Variants in COL24A1 observed in about 807,000 individuals in gnomAD.
COL24A1 encodes the protein collagen type XXIV alpha 1 chain.
COL24A1 carries 224 observed loss-of-function variants against 253.9 expected under a neutral mutation model. The observed-to-expected ratio is 0.88, with a 90% CI of 0.79 to 0.99. The LOEUF (loss-of-function observed/expected upper bound fraction) is 0.99. COL24A1 is among the 50% of genes least tolerant of loss of function. COL24A1 has a pLI of 0.00. For synonymous variants in COL24A1, 685 were observed against 673.7 expected (o/e 1.02, Z -0.26); for missense variants, 2,131 against 2,068.5 (o/e 1.03, Z -0.59).
At chr1:86,092,676 T>C (rs1703594674) in intron 5 of COL24A1, among the ~76,000 whole-genome samples, 1 of 151,914 alleles carries the variant, frequency 6.6e-6, no homozygotes, top group Non-Finnish European at 1.5e-5. Context: ...TGAAAGACTA[T>C]TACTTTAGTA....
chr1:85,783,433 T>C (rs1669339420), intron 51 of COL24A1, 63 bp downstream of exon 51: 3 of 1,346,516 alleles, frequency 2.2e-6, no homozygotes, highest in Non-Finnish European at 3.2e-6. Context: ...CATTTAGAGC[T>C]CTTAAGCCCT....
chr1:85,992,241 A>G lies in COL24A1; in HGVS notation c.2311-4587T>C, dbSNP rs547171792. Among the ~76,000 whole-genome samples, 12 of 152,294 alleles carry G rather than the reference A, an allele frequency of 7.9e-5. No homozygotes were observed. In the South Asian group the frequency reaches 2.5e-3, roughly 32 times the overall value. On this transcript the variant is annotated intron_variant, in intron 19 of 59. Coordinates refer to ENST00000370571, the MANE Select transcript of COL24A1 (RefSeq NM_152890.7). ...TCCAGCTTCATCCATGTCCCTACAA[A>G]GGACATGAACTCATCATTTTTTATG... is the stretch of plus-strand genomic sequence containing the variant.
chr1:85,779,335 T>A (rs999743684), intron 52 of COL24A1, among the ~76,000 whole-genome samples: 1 of 152,188 alleles, frequency 6.6e-6, no homozygotes, highest in Non-Finnish European at 1.5e-5. Flanking sequence ...AAAAATGTAA[T>A]CGGAGACTTC....
intron 51 of COL24A1, 101 bp from the exon 52 acceptor site, chr1:85,781,374 A>T (rs1474220717): frequency 4.0e-6 from 3 of 752,450 alleles, no homozygotes; most frequent in African/African-American, 3.6e-5. Flanking sequence ...ATGTCTACAT[A>T]ATTATCCTTT....
intron 2 of COL24A1, among the ~76,000 whole-genome samples, chr1:86,129,720 T>C (rs770599489): frequency 6.6e-6 from 1 of 151,852 alleles, no homozygotes; most frequent in Non-Finnish European, 1.5e-5. Flanking sequence ...GATTTTGTTA[T>C]TAAAATCTAA....
In COL24A1 at chr1:86,022,894, C is replaced by T. The variant is rs1029583911; in HGVS notation, c.2104-17G>A. ...TGAAAGGCCCTACAAAAAAAGGTGA[C>T]ATTTTGTGATATCATAGACAGATTA... is the stretch of plus-strand genomic sequence containing the variant. On this transcript the variant is annotated splice_polypyrimidine_tract_variant and intron_variant, in intron 15 of 59. Coordinates refer to ENST00000370571, the MANE Select transcript of COL24A1 (RefSeq NM_152890.7). 30 of 1,608,930 alleles carry T rather than the reference C, an allele frequency of 1.9e-5. No individual in the cohort carries two copies. Among genetic ancestry groups the T allele is most frequent in the Non-Finnish European group, 2.4e-5 (28 of 1,177,314 alleles).
At chr1:85,758,330 T>G (rs1462507281) in intron 55 of COL24A1, among the ~76,000 whole-genome samples, 1 of 152,140 alleles carries the variant, frequency 6.6e-6, no homozygotes, top group Non-Finnish European at 1.5e-5. Context: ...ACCCATTAAT[T>G]GGAATACATC....
chr1:85,822,603 C>G lies in COL24A1; in HGVS notation c.3789+933G>C, dbSNP rs147110138. On this transcript the variant is annotated intron_variant, in intron 45 of 59. Coordinates refer to ENST00000370571, the MANE Select transcript of COL24A1 (RefSeq NM_152890.7). ...GCCTTATGAAAAAACAACTTTCAAA[C>G]CAATTATGAGCCTGTGTTACATAGT... 6.2e-4 allele frequency among the ~76,000 whole-genome samples: 94 copies of G among 152,266 alleles called. 1 individual carries two copies. In the East Asian group the frequency reaches 0.015, roughly 25 times the overall value.
At chr1:86,123,240 C>T (rs886431881) in intron 3 of COL24A1, among the ~76,000 whole-genome samples, 3 of 151,818 alleles carry the variant, frequency 2.0e-5, no homozygotes, top group Non-Finnish European at 4.4e-5. Context: ...AAAATCTTAC[C>T]CATTCTTAGA....
chr1:85,814,837 G>A (rs553760618), intron 47 of COL24A1, among the ~76,000 whole-genome samples: 1 of 152,108 alleles, frequency 6.6e-6, no homozygotes, highest in Non-Finnish European at 1.5e-5. Context: ...CTCATAAGCT[G>A]AACATCTGAA....
chr1:86,063,657 G>T, intron 8 of COL24A1, 58 bp downstream of exon 8: 1 of 1,241,176 alleles, frequency 8.1e-7, no homozygotes, highest in Non-Finnish European at 1.1e-6. Context: ...TCTCAAAGGA[G>T]TTCTCTAACA....
chr1:85,861,484 C>T lies in COL24A1; in HGVS notation c.3300+7035G>A, dbSNP rs528766370. The stretch of plus-strand genomic sequence containing the variant: ...ATGAAGTCCAATTTATCTTAGAAGA[C>T]GTACTCCCATGTTTTCTTCTAAGAC... On this transcript the variant is annotated intron_variant, in intron 37 of 59. Transcript: ENST00000370571. 3.3e-5 allele frequency among the ~76,000 whole-genome samples: 5 copies of T among 152,236 alleles called. No individual in the cohort carries two copies. The South Asian group carries it at 6.2e-4, about 19-fold the overall frequency.
chr1:85,987,483 ACAGC>A lies in COL24A1; in HGVS notation c.2364+114_2364+117del, dbSNP rs1693823857. The A allele has an allele frequency of 5.5e-5, 50 of 903,234 alleles. 1 individual carries two copies. The South Asian group carries it at 7.6e-4, about 14-fold the overall frequency. The allele number at this position is 903,234 out of a possible 1,614,324, so 56.0% of individuals were successfully genotyped here. ...CTAAAGTTTATTAAATGTACCTGAG[ACAGC>A]TTAAAAATATCCAGAAATGTTCTGA... On this transcript the variant is annotated intron_variant, in intron 20 of 59. Transcript: ENST00000370571.
intron 52 of COL24A1, among the ~76,000 whole-genome samples, chr1:85,777,191 G>A (rs766360010): frequency 2.0e-5 from 3 of 151,692 alleles, no homozygotes; most frequent in Admixed American, 1.3e-4. Context: ...CTCGTGATCC[G>A]CCCGCCTCAG....
chr1:85,967,799 G>C (rs2100735486), intron 22 of COL24A1, among the ~76,000 whole-genome samples: 1 of 152,270 alleles, frequency 6.6e-6, no homozygotes, highest in African/African-American at 2.4e-5. Flanking sequence ...TAATGCTGCT[G>C]CTCATCTGAC....
chr1:85,797,110 C>T (rs936908047), intron 47 of COL24A1, among the ~76,000 whole-genome samples: 13 of 147,434 alleles, frequency 8.8e-5, no homozygotes, highest in South Asian at 2.1e-4. Context: ...GGGAGGCTGA[C>T]GCAGGAGAAT....
intron 28 of COL24A1, among the ~76,000 whole-genome samples, chr1:85,903,769 C>T (rs372445078): frequency 1.1e-4 from 16 of 152,228 alleles, no homozygotes; most frequent in African/African-American, 3.4e-4. Flanking sequence ...ACCACTACTT[C>T]GTATGATGTT....
chr1:86,064,846 G>T (rs1331080322), intron 7 of COL24A1, among the ~76,000 whole-genome samples: 1 of 152,164 alleles, frequency 6.6e-6, no homozygotes, highest in Non-Finnish European at 1.5e-5. Context: ...CTAAAGGAAT[G>T]ATTTCAACAG....
At chr1:85,963,709 C>A (rs1268861645) in intron 23 of COL24A1, among the ~76,000 whole-genome samples, 1 of 152,022 alleles carries the variant, frequency 6.6e-6, no homozygotes, top group Admixed American at 6.6e-5. Context: ...ATGAACATTA[C>A]AAAATTTCCT....
Sources: allele counts gnomAD v4.1 joint callset (sites outside exome capture counted in the v4.1 genomes callset), GRCh38; gene constraint gnomAD v4.1.1; transcripts MANE v1.5; gene names NCBI Gene and HGNC (gene_info 2026-07-23, HGNC 2026-07-21).